Variants in GPATCH8 observed in about 807,000 individuals in gnomAD.
The protein encoded by GPATCH8 is G-patch domain containing 8.
GPATCH8 carries 18 observed loss-of-function variants against 118.3 expected under a neutral mutation model. The ratio of observed to expected loss-of-function variants is 0.15; its 90% confidence interval spans 0.11 to 0.23. The LOEUF is 0.23. Ranked by LOEUF, GPATCH8 falls within the 10% of genes least tolerant of loss-of-function variation. The pLI is 1.00. For missense variants in GPATCH8, 1,631 were observed against 1,873.8 expected (o/e 0.87, Z 2.39); for synonymous variants, 659 against 684.7 (o/e 0.96, Z 0.59).
intron 5 of GPATCH8, among the ~76,000 whole-genome samples, chr17:44,424,742 C>T (rs1404029081): frequency 6.6e-6 from 1 of 152,080 alleles, no homozygotes; most frequent in South Asian, 2.1e-4. Context: ...AAGTATAATG[C>T]AAATATTCCA....
intron 7 of GPATCH8, among the ~76,000 whole-genome samples, chr17:44,402,018 A>T (rs541958119): frequency 9.5e-5 from 11 of 116,022 alleles, no homozygotes; most frequent in South Asian, 2.7e-4. Flanking sequence ...AAATTAAAAA[A>T]AAAAATAAAA....
Position 44,398,888 on chromosome 17 carries a change from T to A in GPATCH8, c.3189A>T (p.Pro1063=). 1 of 1,614,094 alleles carries A rather than the reference T, an allele frequency of 6.2e-7. No homozygotes were observed. The highest frequency in any genetic ancestry group is 2.2e-5 in the East Asian group (1 of 44,886). Residue 1063 remains proline (P), a synonymous_variant, in exon 8 of 8, where the codon CCA becomes CCT. Transcript: ENST00000591680. The stretch of plus-strand genomic sequence containing the variant: ...TGCCAATGTTGCTGTTCTGGGAAGG[T>A]GGACCTGTTGCTTTACTGTCATCTC... The part of the protein sequence containing the change: ...GRGDDSKATG[P]PSQNSNIGTG...
intron 3 of GPATCH8, among the ~76,000 whole-genome samples, chr17:44,445,519 CCCT>C (rs917649939): frequency 2.0e-5 from 3 of 151,758 alleles, no homozygotes; most frequent in Non-Finnish European, 4.4e-5. Context: ...TTTTTTCCCC[CCCT>C]AAGATGGAGT....
intron 5 of GPATCH8, among the ~76,000 whole-genome samples, chr17:44,428,056 C>G (rs955916352): frequency 6.6e-6 from 1 of 150,982 alleles, no homozygotes; most frequent in Admixed American, 6.6e-5. Flanking sequence ...CCGAGGCAGG[C>G]GGATTACCTG....
intron 3 of GPATCH8, among the ~76,000 whole-genome samples, chr17:44,453,530 T>TGTGTGTGTGTGTGTGTGTGTGTGTGTGC (rs1052518435): frequency 2.0e-5 from 3 of 150,452 alleles, no homozygotes; most frequent in East Asian, 3.9e-4. Flanking sequence ...TGTGTGTGTG[T>TGTGTGTGTGTGTGTGTGTGTGTGTGTGC]GCAGGCGCGC....
At chr17:44,434,510 C>T (rs2050429359) in intron 5 of GPATCH8, among the ~76,000 whole-genome samples, 1 of 152,198 alleles carries the variant, frequency 6.6e-6, no homozygotes, top group Non-Finnish European at 1.5e-5. Context: ...TCAAGACCAG[C>T]CTGGCCAACA....
At chr17:44,484,760 T>C (rs1568058966) in intron 1 of GPATCH8, among the ~76,000 whole-genome samples, 1 of 152,208 alleles carries the variant, frequency 6.6e-6, no homozygotes, top group Non-Finnish European at 1.5e-5. Flanking sequence ...ATGTTGTAAT[T>C]GTCATGTTAA....
intron 6 of GPATCH8, among the ~76,000 whole-genome samples, chr17:44,422,299 G>A (rs1433645591): frequency 6.6e-6 from 1 of 151,664 alleles, no homozygotes; most frequent in Non-Finnish European, 1.5e-5. Context: ...CTAACACCTC[G>A]GCTTCTGGAG....
intron 3 of GPATCH8, among the ~76,000 whole-genome samples, chr17:44,445,503 T>TC (rs1491317348): frequency 9.4e-6 from 1 of 106,096 alleles, no homozygotes; most frequent in Non-Finnish European, 1.9e-5. Context: ...TTTCTTTTTC[T>TC]TTTTTTTTTT....
chr17:44,434,712 G>T (rs2050438188), intron 5 of GPATCH8, among the ~76,000 whole-genome samples: 1 of 152,170 alleles, frequency 6.6e-6, no homozygotes, highest in Non-Finnish European at 1.5e-5. Context: ...ACTGTGTCTG[G>T]CCTCTGCAAG....
rs749873841 is a variant in GPATCH8, at chr17:44,399,706, G to C, written c.2371C>G (p.Pro791Ala). ...HGGRKHKGEL[P>A]PSSCQRRAGT... ...GCTCTTCGCTGGCAGGATGAAGGTG[G>C]AAGTTCACCTTTGTGTTTCCTCCCA... The change falls in exon 8 of 8, where the codon CCA becomes GCA. Residue 791 changes from proline (P) to alanine (A), a missense_variant. By Grantham distance (27) the Pro-to-Ala change is conservative. Coordinates refer to ENST00000591680, the MANE Select transcript of GPATCH8 (RefSeq NM_001002909.4). 8 of 1,614,064 alleles carry C rather than the reference G, an allele frequency of 5.0e-6. No homozygotes were observed. The East Asian group carries it at 1.8e-4, about 36-fold the overall frequency.
In GPATCH8 at chr17:44,492,930, T is replaced by C. The variant is rs111258860; in HGVS notation, c.45+10396A>G. Among the ~76,000 whole-genome samples, 1,231 of 152,260 alleles carry C rather than the reference T, an allele frequency of 8.1e-3. 10 individuals carry two copies. The highest frequency in any genetic ancestry group is 0.014 in the Non-Finnish European group (945 of 68,014). On this transcript the variant is annotated intron_variant, in intron 1 of 7. Transcript: ENST00000591680. ...GATAACAATCAGGTACTCACTAATG[T>C]TTGGAAAATGGAATGGGATTATCTG...
intron 1 of GPATCH8, among the ~76,000 whole-genome samples, chr17:44,492,567 G>A (rs1016111261): frequency 2.0e-4 from 31 of 151,344 alleles, no homozygotes; most frequent in African/African-American, 6.8e-4. Context: ...GCAAGACTTC[G>A]CCTCAAAAAA....
intron 6 of GPATCH8, among the ~76,000 whole-genome samples, chr17:44,414,014 G>A (rs1323548046): frequency 1.3e-5 from 2 of 150,002 alleles, no homozygotes; most frequent in African/African-American, 2.4e-5. Flanking sequence ...CTCCTTAAAA[G>A]TATGGTATAT....
At chr17:44,442,120 TATAGAG>T (rs1306025605) in intron 3 of GPATCH8, among the ~76,000 whole-genome samples, 86 of 126,300 alleles carry the variant, frequency 6.8e-4, no homozygotes, top group African/African-American at 2.2e-3. Flanking sequence ...TATATATATA[TATAGAG>T]AGAGAGAGAG....
intron 1 of GPATCH8, among the ~76,000 whole-genome samples, chr17:44,502,362 T>G (rs1396779693): frequency 0.099 from 2,988 of 30,208 alleles, 108 homozygotes; most frequent in African/African-American, 0.25. Flanking sequence ...ATGCAGTGTT[T>G]TTTTTTTTTT....
chr17:44,396,512 A>G lies in GPATCH8; in HGVS notation c.*1056T>C, dbSNP rs371861723. On this transcript the variant is annotated 3_prime_UTR_variant, in exon 8 of 8. Transcript: ENST00000591680. The stretch of plus-strand genomic sequence containing the variant: ...TATAGTTCATAACTTCAAAAAATAC[A>G]TAAGTTTGGTAAAATATACATGCTT... 189 of 452,980 alleles carry G rather than the reference A, an allele frequency of 4.2e-4. 1 individual carries two copies. The highest frequency in any genetic ancestry group is 2.9e-3 in the South Asian group (186 of 64,170). The allele number at this position is 452,980 out of a possible 1,614,324, so 28.1% of individuals were successfully genotyped here.
chr17:44,487,882 G>GT (rs1968904307), intron 1 of GPATCH8, among the ~76,000 whole-genome samples: 1 of 151,084 alleles, frequency 6.6e-6, no homozygotes, highest in Admixed American at 6.6e-5. Flanking sequence ...GGAGTTGATG[G>GT]TGTTTATGTT....
chr17:44,465,027 T>C (rs1208006918), intron 2 of GPATCH8: 1 of 153,694 alleles, frequency 6.5e-6, no homozygotes, highest in South Asian at 2.0e-4. Flanking sequence ...AGTGTAAGAC[T>C]GCCCCACCAC....
Sources: allele counts gnomAD v4.1 joint callset (sites outside exome capture counted in the v4.1 genomes callset), GRCh38; gene constraint gnomAD v4.1.1; transcripts MANE v1.5; gene names NCBI Gene and HGNC (gene_info 2026-07-23, HGNC 2026-07-21).